AGAP1: variants seen among roughly 807,000 people sequenced by gnomAD.
The protein encoded by AGAP1 is ArfGAP with GTPase domain, ankyrin repeat and PH domain 1.
In AGAP1, 29 loss-of-function variants were observed where a neutral mutation model predicts 105.3. The observed-to-expected ratio is 0.28, with a 90% CI of 0.21 to 0.38. The LOEUF (loss-of-function observed/expected upper bound fraction) is 0.38, where lower values mean the gene tolerates loss of function less well. AGAP1 is among the 10% of genes least tolerant of loss of function. The pLI, the probability that AGAP1 is intolerant of heterozygous loss-of-function variation, is 1.00. For synonymous variants in AGAP1, 509 were observed against 485.9 expected, an observed-to-expected ratio of 1.05 and a Z score of -0.63; for missense variants, 998 against 1,165.1, an observed-to-expected ratio of 0.86 and a Z score of 2.09.
In AGAP1 at chr2:235,994,090, CT is replaced by C. The variant is rs1432913597; in HGVS notation, c.1645+25469del. 1.3e-5 allele frequency among the ~76,000 whole-genome samples: 2 copies of C among 152,116 alleles called. No homozygotes were observed. Among genetic ancestry groups the C allele is most frequent in the Non-Finnish European group, 2.9e-5 (2 of 68,024 alleles). ...CCCCCATTGGCTGTGTGTCCCCCAG[CT>C]TCTAATTCCTCTAGAATATCATGCC... On this transcript the variant is annotated intron_variant, in intron 13 of 17. Transcript: ENST00000304032. This position sits in a 1 kb window ranked among gnomAD's most constrained non-coding sequence, Gnocchi z 4.4.
intron 9 of AGAP1, among the ~76,000 whole-genome samples, chr2:235,849,869 G>C (rs931524072): frequency 6.6e-6 from 1 of 152,140 alleles, no homozygotes; most frequent in African/African-American, 2.4e-5. Flanking sequence ...TCTCACACAT[G>C]TGTGGAACAA....
chr2:235,795,863 A>G (rs1000554443), intron 6 of AGAP1, among the ~76,000 whole-genome samples: 4 of 152,210 alleles, frequency 2.6e-5, no homozygotes, highest in Non-Finnish European at 5.9e-5. Flanking sequence ...CTCTTTACTC[A>G]TGAACTGACT....
At position 236,092,578 on chromosome 2, in the gene AGAP1, G is replaced by C. The variant is rs2059090355; in HGVS notation, c.2115-27614G>C. Among the ~76,000 whole-genome samples the C allele has an allele frequency of 6.6e-6, 1 of 152,184 alleles. No individual in the cohort carries two copies. ...CCAGCTAATTTTTGTATTTTTATTA[G>C]AGACGGGGTTTCACCGTGTTAGCCA... is the stretch of plus-strand genomic sequence containing the variant. On this transcript the variant is annotated intron_variant, in intron 16 of 17. Coordinates refer to ENST00000304032, the MANE Select transcript of AGAP1 (RefSeq NM_001037131.3). The surrounding 1 kb of genome is among the most constrained non-coding windows in gnomAD (Gnocchi z 4.7).
rs1048124608 is a variant in AGAP1 at position 235,788,236 on chromosome 2, C to G, written c.674-9523C>G. Among the ~76,000 whole-genome samples the G allele has an allele frequency of 6.6e-6, 1 of 152,180 alleles. No individual in the cohort carries two copies. Among genetic ancestry groups the G allele is most frequent in the Non-Finnish European group, 1.5e-5 (1 of 68,032 alleles). On this transcript the variant is annotated intron_variant, in intron 6 of 17. Coordinates refer to ENST00000304032, the MANE Select transcript of AGAP1 (RefSeq NM_001037131.3). The surrounding 1 kb of genome is among the most constrained non-coding windows in gnomAD (Gnocchi z 6.0). ...ACAGCCAGCCGGAGACACAGGGTTC[C>G]AGACACAGCTTAATTCCTTCACGCT...
chr2:235,808,121 A>G (rs545470176), intron 9 of AGAP1, among the ~76,000 whole-genome samples: 11 of 152,236 alleles, frequency 7.2e-5, no homozygotes, highest in South Asian at 2.1e-4. Flanking sequence ...ATAGAGTTCA[A>G]CCCCACACAG....
rs776814609 is a variant in AGAP1 at position 235,959,070 on chromosome 2, C to A, written c.1484-9392C>A. On this transcript the variant is annotated intron_variant, in intron 12 of 17. Coordinates refer to ENST00000304032, the MANE Select transcript of AGAP1 (RefSeq NM_001037131.3). This position sits in a 1 kb window ranked among gnomAD's most constrained non-coding sequence, Gnocchi z 7.3. The stretch of plus-strand genomic sequence containing the variant: ...CAGCTCGGGACCCCAGTCCCTCCGT[C>A]AGAGCCGGTTTAGATGTGGAGTAAT... Among the ~76,000 whole-genome samples the A allele has an allele frequency of 4.3e-4, 65 of 152,242 alleles. No individual in the cohort carries two copies. The highest frequency in any genetic ancestry group is 7.8e-4 in the Non-Finnish European group (53 of 68,038).
At chr2:235,562,279 C>T (rs1465722012) in intron 1 of AGAP1, among the ~76,000 whole-genome samples, 2 of 151,990 alleles carry the variant, frequency 1.3e-5, no homozygotes, top group Non-Finnish European at 2.9e-5. Flanking sequence ...TGACTGCAAT[C>T]AAGTGATTAT....
At chr2:235,520,801 ATTG>A (rs1942584498) in intron 1 of AGAP1, among the ~76,000 whole-genome samples, 1 of 152,210 alleles carries the variant, frequency 6.6e-6, no homozygotes, top group Non-Finnish European at 1.5e-5. Context: ...TCCGTTTAAA[ATTG>A]ACTAATTAGT....
At chr2:235,532,125 C>G (rs1322490888) in intron 1 of AGAP1, among the ~76,000 whole-genome samples, 1 of 152,202 alleles carries the variant, frequency 6.6e-6, no homozygotes, top group Non-Finnish European at 1.5e-5. Flanking sequence ...ATATGGAAAA[C>G]TATAAAGAAG....
intron 1 of AGAP1, among the ~76,000 whole-genome samples, chr2:235,658,612 G>T (rs1947848503): frequency 6.6e-6 from 1 of 152,162 alleles, no homozygotes; most frequent in Non-Finnish European, 1.5e-5. Flanking sequence ...GCTCAAAAGA[G>T]AGACCTGGGC....
At chr2:235,881,983 T>A (rs1406414048) in intron 9 of AGAP1, among the ~76,000 whole-genome samples, 2 of 152,206 alleles carry the variant, frequency 1.3e-5, no homozygotes, top group Non-Finnish European at 2.9e-5. Context: ...TGTAAAAAAA[T>A]TCTGCTTTAC....
At chr2:235,683,094 G>T (rs1327699072) in intron 1 of AGAP1, among the ~76,000 whole-genome samples, 1 of 152,074 alleles carries the variant, frequency 6.6e-6, no homozygotes, top group African/African-American at 2.4e-5. Flanking sequence ...ATCACTTGAG[G>T]CCAGGAGTTC....
In AGAP1 at chr2:236,040,737, T is replaced by C. The variant is rs1576144405; in HGVS notation, c.1801-14T>C. 1 of 1,612,580 alleles carries C rather than the reference T, an allele frequency of 6.2e-7. No homozygotes were observed. The stretch of plus-strand genomic sequence containing the variant: ...GTGCTTACGCCTTGTATTTGTGTCT[T>C]CCTCCGTGCCCAGTCCCGGCTGACG... On this transcript the variant is annotated splice_polypyrimidine_tract_variant and intron_variant, in intron 14 of 17. Coordinates refer to ENST00000304032, the MANE Select transcript of AGAP1 (RefSeq NM_001037131.3). The surrounding 1 kb of genome is among the most constrained non-coding windows in gnomAD (Gnocchi z 5.6).
chr2:235,541,742 C>G (rs949432776), intron 1 of AGAP1, among the ~76,000 whole-genome samples: 1 of 152,154 alleles, frequency 6.6e-6, no homozygotes, highest in South Asian at 2.1e-4. Context: ...GAATCTCTAT[C>G]TCATTATGTA....
intron 9 of AGAP1, among the ~76,000 whole-genome samples, chr2:235,868,503 C>G (rs754083099): frequency 2.0e-5 from 3 of 152,156 alleles, no homozygotes; most frequent in Non-Finnish European, 4.4e-5. Context: ...GACTGTTGCT[C>G]CATCACCCCG....
In AGAP1 at chr2:236,049,020, G is replaced by T. The variant is rs570462599; in HGVS notation, c.1892-39G>T. 11 of 1,561,198 alleles carry T rather than the reference G, an allele frequency of 7.0e-6. No homozygotes were observed. The East Asian group carries it at 2.0e-4, about 29-fold the overall frequency. ...AAGAACGGTTGGAATGATGCATGAT[G>T]GTCTGATTGCGTTTAGCGTTCTGTT... On this transcript the variant is annotated intron_variant, in intron 15 of 17. Coordinates refer to ENST00000304032, the MANE Select transcript of AGAP1 (RefSeq NM_001037131.3).
Position 235,721,851 on chromosome 2 carries a change from C to T in AGAP1, c.310+4207C>T, listed in dbSNP as rs1951403228. 6.6e-6 allele frequency among the ~76,000 whole-genome samples: 1 copy of T among 152,174 alleles called. No individual in the cohort carries two copies. Among genetic ancestry groups the T allele is most frequent in the African/African-American group, 2.4e-5 (1 of 41,442 alleles). On this transcript the variant is annotated intron_variant, in intron 3 of 17. Transcript: ENST00000304032. The surrounding 1 kb of genome is among the most constrained non-coding windows in gnomAD (Gnocchi z 4.5). The stretch of plus-strand genomic sequence containing the variant: ...TCTGGTGCAGAGCCGTCTCCAGATC[C>T]AGGCCTCCTTTTCAGCAGATACATC...
chr2:235,584,847 G>T (rs570307592), intron 1 of AGAP1, among the ~76,000 whole-genome samples: 1 of 150,144 alleles, frequency 6.7e-6, no homozygotes, highest in Non-Finnish European at 1.5e-5. Context: ...TTTTCTCAGC[G>T]GAAACTTGGA....
At chr2:235,678,093 T>C (rs767168703) in intron 1 of AGAP1, among the ~76,000 whole-genome samples, 5 of 152,094 alleles carry the variant, frequency 3.3e-5, no homozygotes, top group Non-Finnish European at 7.4e-5. Flanking sequence ...CCGGTGAGCC[T>C]GCGCGGCGCT....
Sources: gnomAD v4.1 joint callset for allele counts (sites outside exome capture counted in the v4.1 genomes callset) on GRCh38, gnomAD v4.1.1 for gene constraint, Gnocchi (gnomAD v3.1) non-coding constraint, MANE v1.5 for transcripts, NCBI Gene and HGNC (gene_info 2026-07-23, HGNC 2026-07-21) for gene names.